Variants in SPEG observed in about 807,000 individuals in gnomAD.
SPEG encodes striated muscle enriched protein kinase.
Under a neutral mutation model 300.4 loss-of-function variants are expected in SPEG, and 114 were observed. The observed-to-expected ratio is 0.38, with a 90% CI of 0.33 to 0.44. The LOEUF (loss-of-function observed/expected upper bound fraction) is 0.44, where lower values mean the gene tolerates loss of function less well. Among genes scored for constraint, SPEG ranks in the 20% least tolerant of loss-of-function variants. The probability of loss-of-function intolerance (pLI) is 1.00; values close to 1 mark genes in which losing one functional copy is unlikely to be tolerated. For missense variants in SPEG, 4,201 were observed against 4,586.2 expected (o/e 0.92, Z 2.43); for synonymous variants, 1,964 against 2,018.9 (o/e 0.97, Z 0.73).
In SPEG at chr2:219,444,690, G is replaced by A. The variant is rs924928514; in HGVS notation, c.426G>A (p.Gln142=). ...CTGAGGATGACATCAGCGATGTGCAGGGAACCCAGCGCCTGGAGCTTCGGG... is the reference window on the plus strand; with the variant it reads ...CTGAGGATGACATCAGCGATGTGCAAGGAACCCAGCGCCTGGAGCTTCGGG... ...ETAEDDISDV[Q]GTQRLELRDD... Residue 142 remains glutamine (Q), a synonymous_variant, in exon 2 of 41, where the codon CAG becomes CAA. Transcript: ENST00000312358. This position sits in a 1 kb window ranked among gnomAD's most constrained non-coding sequence, Gnocchi z 7.8. The A allele has an allele frequency of 6.2e-7, 1 of 1,614,056 alleles. No homozygotes were observed. Among genetic ancestry groups the A allele is most frequent in the Non-Finnish European group, 8.5e-7 (1 of 1,179,946 alleles).
chr2:219,488,891 C>T lies in SPEG; in HGVS notation c.8140C>T (p.Arg2714Ter). The change falls in exon 34 of 41, where the codon CGA becomes TGA. Residue 2714 changes from arginine to a stop codon, truncating the protein, a stop_gained. Coordinates refer to ENST00000312358, the MANE Select transcript of SPEG (RefSeq NM_005876.5). LOFTEE classifies it high-confidence loss of function. Reference sequence around the variant, plus strand: ...ACCTTGCACGTATACGCTGGAGCGGCGAGTGGATGGTGAGGATGGGGCAGC... The same window carrying T: ...ACCTTGCACGTATACGCTGGAGCGGTGAGTGGATGGTGAGGATGGGGCAGC... ...RAPCTYTLERRVDGESVWHPV... is the reference protein window; with the variant it reads ...RAPCTYTLER The T allele has an allele frequency of 1.3e-6, 2 of 1,583,970 alleles. No individual in the cohort carries two copies. Among genetic ancestry groups the T allele is most frequent in the South Asian group, 1.1e-5 (1 of 87,868 alleles).
Position 219,473,948 on chromosome 2 carries a change from A to G in SPEG, c.4447+45A>G, listed in dbSNP as rs777982825. On this transcript the variant is annotated intron_variant, in intron 18 of 40. Transcript: ENST00000312358. This position sits in a 1 kb window ranked among gnomAD's most constrained non-coding sequence, Gnocchi z 4.6. ...CTTCCTAGCCTCCCTCCAAGGCCCA[A>G]AGCTCTCTACTCACACCCCCAGGTA... is the stretch of plus-strand genomic sequence containing the variant. 1.5e-5 allele frequency: 23 copies of G among 1,565,040 alleles called. No homozygotes were observed. In the African/African-American group the frequency reaches 1.5e-4, roughly 10 times the overall value.
chr2:219,486,247 G>A (rs549906543), intron 31 of SPEG, among the ~76,000 whole-genome samples: 1 of 152,342 alleles, frequency 6.6e-6, no homozygotes, highest in Non-Finnish European at 1.5e-5. Context: ...CTGAAAAAGG[G>A]GCATTACTCA....
chr2:219,477,053 A>G lies in SPEG; in HGVS notation c.4560+71A>G. The G allele has an allele frequency of 7.2e-7, 1 of 1,392,252 alleles. No homozygotes were observed. Among genetic ancestry groups the G allele is most frequent in the Non-Finnish European group, 9.9e-7 (1 of 1,008,210 alleles). The allele number at this position is 1,392,252 out of a possible 1,614,324, so 86.2% of individuals were successfully genotyped here. ...CCCTGGGGGCGTGGGAGGGTCCTGG[A>G]AGGCCTTAGGAGGGCGGAGCCCGGG... On this transcript the variant is annotated intron_variant, in intron 19 of 40. Coordinates refer to ENST00000312358, the MANE Select transcript of SPEG (RefSeq NM_005876.5). The surrounding 1 kb of genome is among the most constrained non-coding windows in gnomAD (Gnocchi z 6.4).
Position 219,484,683 on chromosome 2 carries a change from G to A in SPEG, c.7220G>A (p.Arg2407His), listed in dbSNP as rs866977146. Residue 2407 changes from arginine to histidine, a missense_variant, in exon 30 of 41, where the codon CGC becomes CAC. Coordinates refer to ENST00000312358, the MANE Select transcript of SPEG (RefSeq NM_005876.5). Reference sequence around the variant, plus strand: ...GCTGTCGGAGAGCCTGGCCTCGTCCGCCGCCTCTCGCTGTCACTGTCCCAG... The same window carrying A: ...GCTGTCGGAGAGCCTGGCCTCGTCCACCGCCTCTCGCTGTCACTGTCCCAG... Reference protein sequence around the residue: ...LRAVGEPGLVRRLSLSLSQRL... With the variant: ...LRAVGEPGLVHRLSLSLSQRL... The A allele has an allele frequency of 2.1e-5, 32 of 1,518,340 alleles. No homozygotes were observed. The highest frequency in any genetic ancestry group is 2.5e-5 in the Non-Finnish European group (28 of 1,141,460). 94.1% of individuals were successfully genotyped at this position (1,518,340 alleles called of 1,614,324 possible).
Position 219,451,415 on chromosome 2 carries a change from G to A in SPEG, c.2257+136G>A. 1 of 1,296,030 alleles carries A rather than the reference G, an allele frequency of 7.7e-7. No individual in the cohort carries two copies. The highest frequency in any genetic ancestry group is 1.5e-5 in the South Asian group (1 of 65,034). The allele number at this position is 1,296,030 out of a possible 1,614,324, so 80.3% of individuals were successfully genotyped here. A position where few individuals can be genotyped will look rare whatever the true frequency, so the allele number is the denominator to read the frequency against. ...TTATCCCCTCCACGGGGGCTGCCCT[G>A]ACTTGGGTGTGTGTTCAGGGACATT... On this transcript the variant is annotated intron_variant, in intron 5 of 40. Coordinates refer to ENST00000312358, the MANE Select transcript of SPEG (RefSeq NM_005876.5). This position sits in a 1 kb window ranked among gnomAD's most constrained non-coding sequence, Gnocchi z 6.4.
At position 219,459,806 on chromosome 2, in the gene SPEG, TC is replaced by T. The variant is rs1690494611; in HGVS notation, c.2441-2072del. ...GCACCAAATGCCATTCTGACTTCCC[TC>T]CCCAACCCTACCTCAAGACAGCCAG... On this transcript the variant is annotated intron_variant, in intron 6 of 40. Transcript: ENST00000312358. The surrounding 1 kb of genome is among the most constrained non-coding windows in gnomAD (Gnocchi z 4.9). Among the ~76,000 whole-genome samples the T allele has an allele frequency of 6.6e-6, 1 of 152,124 alleles. No individual in the cohort carries two copies. Among genetic ancestry groups the T allele is most frequent in the Non-Finnish European group, 1.5e-5 (1 of 68,012 alleles).
At chr2:219,472,134 C>A in intron 14 of SPEG, 93 bp from the exon 15 acceptor site, 2 of 1,513,990 alleles carry the variant, frequency 1.3e-6, no homozygotes, top group Non-Finnish European at 1.8e-6. Flanking sequence ...TGCGGCTGAG[C>A]CCCCAGGCCC....
chr2:219,461,965 G>A lies in SPEG; in HGVS notation c.2524G>A (p.Glu842Lys), dbSNP rs1690741680. Residue 842 changes from glutamate to lysine, a missense_variant, in exon 7 of 41, where the codon GAG (glutamate) becomes AAG (lysine). This residue lies in a region of SPEG where 1,258 missense variants were observed against 1,293.9 expected (regional missense o/e 0.97). Transcript: ENST00000312358. Reference sequence around the variant, plus strand: ...CCCAGAGGAGTTCCCAGAGCCTGGGGAGACCTGGCCGCGAACCCCCACCAT... The same window carrying A: ...CCCAGAGGAGTTCCCAGAGCCTGGGAAGACCTGGCCGCGAACCCCCACCAT... ...SPPEEFPEPG[E>K]TWPRTPTMKP... 1.2e-6 allele frequency: 2 copies of A among 1,613,816 alleles called. No homozygotes were observed. The highest frequency in any genetic ancestry group is 2.2e-5 in the East Asian group (1 of 44,860).
Position 219,480,660 on chromosome 2 carries a change from T to C in SPEG, c.5343-11T>C, listed in dbSNP as rs767050009. 3.2e-5 allele frequency: 52 copies of C among 1,613,410 alleles called. No homozygotes were observed. The highest frequency in any genetic ancestry group is 4.2e-5 in the Non-Finnish European group (49 of 1,179,456). On this transcript the variant is annotated splice_polypyrimidine_tract_variant and intron_variant, in intron 25 of 40. Transcript: ENST00000312358. The surrounding 1 kb of genome is among the most constrained non-coding windows in gnomAD (Gnocchi z 5.3). ...GCGGTCCTCTTACCTATCACTCTCC[T>C]TTTCCCACAGGCCTGTGGGTGTTGT...
chr2:219,457,752 G>T (rs1690305148), intron 6 of SPEG, among the ~76,000 whole-genome samples: 1 of 152,242 alleles, frequency 6.6e-6, no homozygotes, highest in Non-Finnish European at 1.5e-5. Flanking sequence ...TGCTTGAACA[G>T]TGGATGCTCC....
chr2:219,464,840 C>A lies in SPEG; in HGVS notation c.2881+232C>A. On this transcript the variant is annotated intron_variant, in intron 9 of 40. Coordinates refer to ENST00000312358, the MANE Select transcript of SPEG (RefSeq NM_005876.5). The surrounding 1 kb of genome is among the most constrained non-coding windows in gnomAD (Gnocchi z 4.5). ...GTGCTCAGCTTACTACACAACACCA[C>A]CTTCCCTGTTGCTCCATCACGGAGC... 1.9e-6 allele frequency: 1 copy of A among 522,428 alleles called. No individual in the cohort carries two copies. The highest frequency in any genetic ancestry group is 3.4e-6 in the Non-Finnish European group (1 of 293,750). 32.4% of individuals were successfully genotyped at this position (522,428 alleles called of 1,614,324 possible).
At position 219,488,264 on chromosome 2, in the gene SPEG, C is replaced by T. The variant is rs764411225; in HGVS notation, c.7812C>T (p.Leu2604=). The change falls in exon 32 of 41, where the codon CTC becomes CTT. Residue 2604 remains leucine (L), a synonymous_variant. Coordinates refer to ENST00000312358, the MANE Select transcript of SPEG (RefSeq NM_005876.5). ...TGGAGGGGGAGGCAGCCACCCTGCT[C>T]TGCCTGCCAGCGGCCTGCCCTGCAC... The part of the protein sequence containing the change: ...VLLEGEAATL[L]CLPAACPAPH... 41 of 1,613,420 alleles carry T rather than the reference C, an allele frequency of 2.5e-5. No homozygotes were observed. Among genetic ancestry groups the T allele is most frequent in the Non-Finnish European group, 3.2e-5 (38 of 1,179,838 alleles).
At position 219,473,632 on chromosome 2, in the gene SPEG, G is replaced by A; in HGVS notation, c.4271+5G>A. On this transcript the variant is annotated splice_donor_5th_base_variant and intron_variant, in intron 17 of 40. Transcript: ENST00000312358. This position sits in a 1 kb window ranked among gnomAD's most constrained non-coding sequence, Gnocchi z 4.6. ...GGCCCAGGTCGTCTGGAGGAGGTGG[G>A]CCCCTTTCCCACATGTGGCAGCCCA... is the stretch of plus-strand genomic sequence containing the variant. The A allele has an allele frequency of 6.2e-7, 1 of 1,614,136 alleles. No individual in the cohort carries two copies. Among genetic ancestry groups the A allele is most frequent in the Non-Finnish European group, 8.5e-7 (1 of 1,180,016 alleles).
chr2:219,453,043 G>A (rs1011973464), intron 6 of SPEG, among the ~76,000 whole-genome samples: 7 of 152,108 alleles, frequency 4.6e-5, no homozygotes, highest in Admixed American at 2.6e-4. Flanking sequence ...AATCATGCCC[G>A]TCCCTCCACC....
In SPEG at chr2:219,483,442, C is replaced by T. The variant is rs779883852; in HGVS notation, c.5979C>T (p.Pro1993=). The T allele has an allele frequency of 1.6e-5, 24 of 1,539,238 alleles. No individual in the cohort carries two copies. In the East Asian group the frequency reaches 4.7e-4, roughly 30 times the overall value. ...AGGCTCCCAGCCCAGAGGCCCTCCC[C>T]TCCCCAGGCCAGGAGCCCGCAGCTG... ...DQEAPSPEAL[P]SPGQEPAAGA... is the part of the protein sequence containing the mutation. The change falls in exon 30 of 41, where the codon CCC becomes CCT. Residue 1993 remains proline (P), a synonymous_variant. Transcript: ENST00000312358.
Position 219,479,282 on chromosome 2 carries a change from G to A in SPEG, c.5085+81G>A. 1 of 1,250,282 alleles carries A rather than the reference G, an allele frequency of 8.0e-7. No homozygotes were observed. Among genetic ancestry groups the A allele is most frequent in the Admixed American group, 1.8e-5 (1 of 55,330 alleles). 77.4% of individuals were successfully genotyped at this position (1,250,282 alleles called of 1,614,324 possible). A position where few individuals can be genotyped will look rare whatever the true frequency, so the allele number is the denominator to read the frequency against. ...CTTTGAGAACCAACAAATGGGTCCT[G>A]AGTGTGCCATCTGTGCCCACAGGAA... On this transcript the variant is annotated intron_variant, in intron 23 of 40. Coordinates refer to ENST00000312358, the MANE Select transcript of SPEG (RefSeq NM_005876.5). The surrounding 1 kb of genome is among the most constrained non-coding windows in gnomAD (Gnocchi z 5.5).
chr2:219,451,476 G>C lies in SPEG; in HGVS notation c.2258-149G>C. On this transcript the variant is annotated intron_variant, in intron 5 of 40. Transcript: ENST00000312358. This position sits in a 1 kb window ranked among gnomAD's most constrained non-coding sequence, Gnocchi z 6.4. ...CCCGAGAGAAGGGAGGGCAACCTGA[G>C]CTTCCCAAAATGAGGGCGGACTCTT... 1 of 1,118,056 alleles carries C rather than the reference G, an allele frequency of 8.9e-7. No individual in the cohort carries two copies. The highest frequency in any genetic ancestry group is 1.2e-6 in the Non-Finnish European group (1 of 820,976). 69.3% of individuals were successfully genotyped at this position (1,118,056 alleles called of 1,614,324 possible).
intron 6 of SPEG, chr2:219,460,859 G>A: frequency 6.1e-6 from 6 of 986,310 alleles, no homozygotes; most frequent in East Asian, 1.1e-4. Flanking sequence ...AGTGGGGCTG[G>A]GCAGGCTGGA....
Sources: allele counts gnomAD v4.1 joint callset (sites outside exome capture counted in the v4.1 genomes callset), GRCh38; gene constraint gnomAD v4.1.1; regional missense constraint gnomAD v4.1.1; non-coding constraint Gnocchi (gnomAD v3.1); transcripts MANE v1.5; gene names NCBI Gene and HGNC (gene_info 2026-07-23, HGNC 2026-07-21).